The following BCL2 variants were observed in gnomAD, a reference collection of about 807,000 sequenced individuals.
BCL2 encodes the protein BCL2 apoptosis regulator.
In BCL2, 1 loss-of-function variant was observed where a neutral mutation model predicts 14.2. That is an observed-to-expected ratio of 0.07 (90% CI 0.02 to 0.33). BCL2 has a LOEUF of 0.33. BCL2 is among the 10% of genes least tolerant of loss of function. The pLI, the probability that BCL2 is intolerant of heterozygous loss-of-function variation, is 0.99. For missense variants in BCL2, 247 were observed against 305.9 expected (o/e 0.81, Z 1.44); for synonymous variants, 151 against 137.2 (o/e 1.10, Z -0.70).
chr18:63,259,282 A>C (rs1377362785), intron 2 of BCL2, among the ~76,000 whole-genome samples: 2 of 152,280 alleles, frequency 1.3e-5, no homozygotes, highest in African/African-American at 4.8e-5. Context: ...TCACAGAAAG[A>C]AAGCGGGCAG....
intron 2 of BCL2, among the ~76,000 whole-genome samples, chr18:63,145,469 G>A (rs1426864769): frequency 1.3e-5 from 2 of 152,196 alleles, no homozygotes; most frequent in African/African-American, 4.8e-5. Context: ...CTCTCCTCCT[G>A]GAGGCACCCC....
At chr18:63,237,195 C>A (rs954517067) in intron 2 of BCL2, among the ~76,000 whole-genome samples, 5 of 152,042 alleles carry the variant, frequency 3.3e-5, no homozygotes, top group African/African-American at 1.2e-4. Context: ...CGAGAGAGGC[C>A]CATTTTAAGG....
intron 2 of BCL2, among the ~76,000 whole-genome samples, chr18:63,240,097 C>T (rs1910957161): frequency 6.6e-6 from 1 of 152,174 alleles, no homozygotes. Context: ...TCAAGCAATC[C>T]TCCCACCTCA....
At position 63,169,322 on chromosome 18, in the gene BCL2, T is replaced by TC. The variant is rs1568222521; in HGVS notation, c.586-40564dup. On this transcript the variant is annotated intron_variant, in intron 2 of 2. Coordinates refer to ENST00000333681, the MANE Select transcript of BCL2 (RefSeq NM_000633.3). ...TTTCTTTCTTTCTTCCTTCCTTCCT[T>TC]CTTTCCTTTCCTTCCTTTCTTTCTT... Among the ~76,000 whole-genome samples, 32 of 105,640 alleles carry TC rather than the reference T, an allele frequency of 3.0e-4. 1 individual carries two copies. Among genetic ancestry groups the TC allele is most frequent in the African/African-American group, 8.8e-4 (17 of 19,260 alleles). The allele number at this position is 105,640 out of a possible 152,430, so 69.3% of individuals were successfully genotyped here. A position where few individuals can be genotyped will look rare whatever the true frequency, so the allele number is the denominator to read the frequency against.
chr18:63,282,093 C>T (rs75636278), intron 2 of BCL2, among the ~76,000 whole-genome samples: 2,208 of 152,294 alleles, frequency 0.014, 54 homozygotes, highest in African/African-American at 0.05. Context: ...GACTGTAGCC[C>T]ATAGCCTTTT....
rs533187800 is a variant in BCL2 at position 63,210,728 on chromosome 18, T to C, written c.586-81969A>G. On this transcript the variant is annotated intron_variant, in intron 2 of 2. Transcript: ENST00000333681. ...AAGCCTTCTGCTTTCCTTTCAGTTC[T>C]TTTTTTTCCACTGCCATTCATAGGT... Among the ~76,000 whole-genome samples the C allele has an allele frequency of 2.8e-4, 43 of 152,174 alleles. 1 individual carries two copies. In the South Asian group the frequency reaches 7.9e-3, roughly 28 times the overall value.
At position 63,212,039 on chromosome 18, in the gene BCL2, C is replaced by T. The variant is rs545419373; in HGVS notation, c.586-83280G>A. 9.2e-4 allele frequency among the ~76,000 whole-genome samples: 140 copies of T among 152,242 alleles called. 1 individual carries two copies. The Middle Eastern group carries it at 0.024, about 26-fold the overall frequency. On this transcript the variant is annotated intron_variant, in intron 2 of 2. Coordinates refer to ENST00000333681, the MANE Select transcript of BCL2 (RefSeq NM_000633.3). ...CTAACCATGTGGCCCTAAAAATACT[C>T]CATTTAGGTCAGGTGTGGTGGCTCA...
chr18:63,254,081 T>C (rs1911397856), intron 2 of BCL2, among the ~76,000 whole-genome samples: 1 of 152,146 alleles, frequency 6.6e-6, no homozygotes, highest in African/African-American at 2.4e-5. Context: ...AGTCACAACT[T>C]GTTTTGAAAA....
chr18:63,197,682 G>C (rs1909486021), intron 2 of BCL2, among the ~76,000 whole-genome samples: 1 of 152,112 alleles, frequency 6.6e-6, no homozygotes, highest in Non-Finnish European at 1.5e-5. Flanking sequence ...AAAGGAGGAA[G>C]AAAGGAAGAA....
intron 2 of BCL2, among the ~76,000 whole-genome samples, chr18:63,233,822 G>A (rs1278659020): frequency 5.3e-5 from 8 of 152,134 alleles, no homozygotes; most frequent in Admixed American, 5.2e-4. Flanking sequence ...TGCTGGGAAA[G>A]CTGTGGAAGA....
At chr18:63,275,048 G>A (rs1046412575) in intron 2 of BCL2, among the ~76,000 whole-genome samples, 2 of 151,776 alleles carry the variant, frequency 1.3e-5, no homozygotes, top group African/African-American at 4.8e-5. Context: ...GACCACTATG[G>A]TATACATATT....
intron 2 of BCL2, among the ~76,000 whole-genome samples, chr18:63,239,014 C>T (rs1020062582): frequency 7.9e-5 from 12 of 152,212 alleles, no homozygotes; most frequent in African/African-American, 1.9e-4. Context: ...AGGGGAGAGG[C>T]GGGGGCCTGT....
intron 2 of BCL2, among the ~76,000 whole-genome samples, chr18:63,266,637 T>TCTCTCTCTCTCTCTCACACACACACA (rs1491465885): frequency 1.0e-4 from 9 of 85,938 alleles, no homozygotes; most frequent in African/African-American, 3.3e-4. Flanking sequence ...TCTCTCTCTC[T>TCTCTCTCTCTCTCTCACACACACACA]CACACACACA....
chr18:63,272,286 T>C lies in BCL2; in HGVS notation c.585+45796A>G, dbSNP rs569531466. Among the ~76,000 whole-genome samples the C allele has an allele frequency of 2.6e-5, 4 of 152,372 alleles. No individual in the cohort carries two copies. The East Asian group carries it at 7.7e-4, about 29-fold the overall frequency. On this transcript the variant is annotated intron_variant, in intron 2 of 2. Coordinates refer to ENST00000333681, the MANE Select transcript of BCL2 (RefSeq NM_000633.3). The stretch of plus-strand genomic sequence containing the variant: ...AGATCCCAAGCCAGGATCTGGTTTC[T>C]GCCAATTCAGAGTGACAGGGATCAG...
At chr18:63,239,478 ACAC>A (rs1041524433) in intron 2 of BCL2, among the ~76,000 whole-genome samples, 4 of 152,214 alleles carry the variant, frequency 2.6e-5, no homozygotes, top group African/African-American at 9.6e-5. Context: ...GCAGTGACTC[ACAC>A]CTGTAATCAC....
chr18:63,272,042 C>A (rs1165608162), intron 2 of BCL2, among the ~76,000 whole-genome samples: 1 of 152,188 alleles, frequency 6.6e-6, no homozygotes, highest in African/African-American at 2.4e-5. Flanking sequence ...TGTTTTTAGG[C>A]TCTTTTTGGT....
intron 2 of BCL2, among the ~76,000 whole-genome samples, chr18:63,193,004 G>A (rs1460965017): frequency 6.6e-6 from 1 of 152,150 alleles, no homozygotes; most frequent in Admixed American, 6.5e-5. Flanking sequence ...ATAACACCCC[G>A]TGATGAAATG....
intron 2 of BCL2, among the ~76,000 whole-genome samples, chr18:63,216,319 GTCAAGGTGAGT>G (rs1568236821): frequency 2.7e-5 from 4 of 150,890 alleles, no homozygotes. Flanking sequence ...AATCAGTAAC[GTCAAGGTGAGT>G]CAGTAAGGAC....
chr18:63,124,656 C>T lies in BCL2; in HGVS notation c.*3969G>A, dbSNP rs1913864146. 4.4e-6 allele frequency: 1 copy of T among 226,624 alleles called. No individual in the cohort carries two copies. Among genetic ancestry groups the T allele is most frequent in the African/African-American group, 2.2e-5 (1 of 44,994 alleles). 14.0% of individuals were successfully genotyped at this position (226,624 alleles called of 1,614,324 possible). A position where few individuals can be genotyped will look rare whatever the true frequency, so the allele number is the denominator to read the frequency against. On this transcript the variant is annotated 3_prime_UTR_variant, in exon 3 of 3. Transcript: ENST00000333681. ...CCCATAATAATTTAAAAAAAAAATC[C>T]CTGAAAGATCCAAATTGAATAACAA...
Sources: gnomAD v4.1 joint callset for allele counts (sites outside exome capture counted in the v4.1 genomes callset) on GRCh38, gnomAD v4.1.1 for gene constraint, MANE v1.5 for transcripts, NCBI Gene and HGNC (gene_info 2026-07-23, HGNC 2026-07-21) for gene names.